Variants in OR10AG1 observed in about 807,000 individuals in gnomAD.
The protein encoded by OR10AG1 is olfactory receptor family 10 subfamily AG member 1, also known as olfactory receptor 10AG1.
For missense variants in OR10AG1, 433 were observed against 376.5 expected, an observed-to-expected ratio of 1.15 and a Z score of -1.24; for synonymous variants, 147 against 128.6, an observed-to-expected ratio of 1.14 and a Z score of -0.97.
rs763246883 is a variant in OR10AG1, at chr11:55,967,730, G to C, written c.794C>G (p.Ala265Gly). Residue 265 changes from alanine to glycine, a missense_variant, in exon 2 of 2, where the codon GCA (alanine) becomes GGA (glycine). Transcript: ENST00000641071. ...GGGCTGTAAATAAGTGATAGTACCT[G>C]CTCCAAAGAATAAGATTACAACTAT... ...HLIVVILFFG[A>G]GTITYLQPKP... The C allele has an allele frequency of 3.7e-6, 6 of 1,613,780 alleles. No individual in the cohort carries two copies. The highest frequency in any genetic ancestry group is 8.5e-7 in the Non-Finnish European group (1 of 1,179,888).
chr11:55,968,603 C>T, intron 1 of OR10AG1, 96 bp from the exon 2 acceptor site: 1 of 550,686 alleles, frequency 1.8e-6, no homozygotes, highest in South Asian at 2.9e-5. Context: ...AATATACTTA[C>T]TTAAGCTCTT....
At position 55,967,372 on chromosome 11, in the gene OR10AG1, T is replaced by C. The variant is rs968711959; in HGVS notation, c.*186A>G. ...AGATCTTGGCACCTTAGTTAAATTGTGCTCCAACTGCACAGTAGCACATAA... is the reference window on the plus strand; with the variant it reads ...AGATCTTGGCACCTTAGTTAAATTGCGCTCCAACTGCACAGTAGCACATAA... On this transcript the variant is annotated 3_prime_UTR_variant, in exon 2 of 2. Coordinates refer to ENST00000641071, the MANE Select transcript of OR10AG1 (RefSeq NM_001005491.2). 6.1e-6 allele frequency: 3 copies of C among 490,592 alleles called. No homozygotes were observed. The highest frequency in any genetic ancestry group is 1.1e-5 in the Non-Finnish European group (3 of 279,000). The allele number at this position is 490,592 out of a possible 1,614,324, so 30.4% of individuals were successfully genotyped here.
rs551875101 is a variant in OR10AG1, at chr11:55,966,674, T to A, written c.*884A>T. On this transcript the variant is annotated 3_prime_UTR_variant, in exon 2 of 2. Coordinates refer to ENST00000641071, the MANE Select transcript of OR10AG1 (RefSeq NM_001005491.2). ...TTTGTGGTTGAATCATTCCAGTCTC[T>A]GCCTTCACCTTTACATGATGTCCTT... 1 of 152,252 alleles carries A rather than the reference T, an allele frequency of 6.6e-6. No homozygotes were observed. Among genetic ancestry groups the A allele is most frequent in the East Asian group, 1.9e-4 (1 of 5,186 alleles). 9.4% of individuals were successfully genotyped at this position (152,252 alleles called of 1,614,324 possible).
In OR10AG1 at chr11:55,968,378, A is replaced by T; in HGVS notation, c.146T>A (p.Ile49Asn). 6.2e-7 allele frequency: 1 copy of T among 1,605,930 alleles called. No homozygotes were observed. The highest frequency in any genetic ancestry group is 8.5e-7 in the Non-Finnish European group (1 of 1,173,268). ...FSIFLLMYLM[I>N]LMCNGIIILL... The stretch of plus-strand genomic sequence containing the variant: ...TATTATGATGCCATTGCACATCAGG[A>T]TCATCAAATACATAAGTAAAAATAT... The change falls in exon 2 of 2, where the codon ATC becomes AAC. Residue 49 changes from isoleucine to asparagine, a missense_variant. Ile to Asn is a moderately radical substitution (Grantham distance 149). Transcript: ENST00000641071.
Position 55,968,284 on chromosome 11 carries a change from C to T in OR10AG1, c.240G>A (p.Leu80=). ...MYFFLSNFSL[L]EICYVTIIIP... is the part of the protein sequence containing the mutation. ...TAATGATTGTTACATAACAGATTTC[C>T]AAAAGGGAAAAATTGCTAAGAAAAA... The change falls in exon 2 of 2, where the codon TTG becomes TTA. Residue 80 remains leucine, a synonymous_variant. Coordinates refer to ENST00000641071, the MANE Select transcript of OR10AG1 (RefSeq NM_001005491.2). The T allele has an allele frequency of 1.2e-6, 2 of 1,613,536 alleles. No individual in the cohort carries two copies. Among genetic ancestry groups the T allele is most frequent in the Non-Finnish European group, 1.7e-6 (2 of 1,179,744 alleles).
In OR10AG1 at chr11:55,967,419, C is replaced by A. The variant is rs750198151; in HGVS notation, c.*139G>T. On this transcript the variant is annotated 3_prime_UTR_variant, in exon 2 of 2. Transcript: ENST00000641071. ...ATAACTATATTCTGTGAATAAAACA[C>A]CCCTTGACATAATGTAAGTTTGTAT... is the stretch of plus-strand genomic sequence containing the variant. 29 of 599,430 alleles carry A rather than the reference C, an allele frequency of 4.8e-5. No individual in the cohort carries two copies. Among genetic ancestry groups the A allele is most frequent in the Middle Eastern group, 4.5e-4 (1 of 2,240 alleles). The allele number at this position is 599,430 out of a possible 1,614,324, so 37.1% of individuals were successfully genotyped here. A position where few individuals can be genotyped will look rare whatever the true frequency, so the allele number is the denominator to read the frequency against.
rs1852701909 is a variant in OR10AG1 at position 55,967,722 on chromosome 11, T to C, written c.802A>G (p.Ile268Val). The change falls in exon 2 of 2, where the codon ATC (isoleucine) becomes GTC (valine). Residue 268 changes from isoleucine (I) to valine (V), a missense_variant. Transcript: ENST00000641071. ...TGTGGTTTGGGCTGTAAATAAGTGA[T>C]AGTACCTGCTCCAAAGAATAAGATT... ...VVILFFGAGT[I>V]TYLQPKPHQF... 6.2e-7 allele frequency: 1 copy of C among 1,613,854 alleles called. No individual in the cohort carries two copies. The highest frequency in any genetic ancestry group is 8.5e-7 in the Non-Finnish European group (1 of 1,179,926).
At position 55,967,203 on chromosome 11, in the gene OR10AG1, A is replaced by C. The variant is rs188206149; in HGVS notation, c.*355T>G. The C allele has an allele frequency of 5.9e-6, 1 of 168,874 alleles. No individual in the cohort carries two copies. The highest frequency in any genetic ancestry group is 6.0e-5 in the Admixed American group (1 of 16,676). 10.5% of individuals were successfully genotyped at this position (168,874 alleles called of 1,614,324 possible). Reference sequence around the variant, plus strand: ...CCCAAGGGTCAGAGAAAGGTGGTAAATACATCTGAAGGAATGGGAAGGTGA... The same window carrying C: ...CCCAAGGGTCAGAGAAAGGTGGTAACTACATCTGAAGGAATGGGAAGGTGA... On this transcript the variant is annotated 3_prime_UTR_variant, in exon 2 of 2. Transcript: ENST00000641071.
Position 55,968,390 on chromosome 11 carries a change from A to T in OR10AG1, c.134T>A (p.Met45Lys). The change falls in exon 2 of 2, where the codon ATG becomes AAG. Residue 45 changes from methionine to lysine, a missense_variant. Coordinates refer to ENST00000641071, the MANE Select transcript of OR10AG1 (RefSeq NM_001005491.2). ...HWMLFSIFLL[M>K]YLMILMCNGI... Reference sequence around the variant, plus strand: ...ATTGCACATCAGGATCATCAAATACATAAGTAAAAATATACTAAAAAGCAT... The same window carrying T: ...ATTGCACATCAGGATCATCAAATACTTAAGTAAAAATATACTAAAAAGCAT... The T allele has an allele frequency of 6.2e-7, 1 of 1,602,702 alleles. No homozygotes were observed. The highest frequency in any genetic ancestry group is 8.5e-7 in the Non-Finnish European group (1 of 1,172,592).
chr11:55,968,484 T>C lies in OR10AG1; in HGVS notation c.40A>G (p.Lys14Glu). The change falls in exon 2 of 2, where the codon AAA (lysine) becomes GAA (glutamate). Residue 14 changes from lysine to glutamate, a missense_variant. By Grantham distance (56) the Lys-to-Glu change is moderately conservative. Transcript: ENST00000641071. ...PKDGEQTKRE[K>E]SNVTTIMEFV... Reference sequence around the variant, plus strand: ...TCCATTATTGTAGTCACATTTGATTTTTCTCTTTTAGTTTGCTCTCCATCT... The same window carrying C: ...TCCATTATTGTAGTCACATTTGATTCTTCTCTTTTAGTTTGCTCTCCATCT... The C allele has an allele frequency of 6.7e-7, 1 of 1,495,146 alleles. No individual in the cohort carries two copies. Among genetic ancestry groups the C allele is most frequent in the Non-Finnish European group, 9.0e-7 (1 of 1,110,914 alleles). The allele number at this position is 1,495,146 out of a possible 1,614,324, so 92.6% of individuals were successfully genotyped here. A position where few individuals can be genotyped will look rare whatever the true frequency, so the allele number is the denominator to read the frequency against.
chr11:55,968,170 A>G lies in OR10AG1; in HGVS notation c.354T>C (p.Leu118=). The G allele has an allele frequency of 6.2e-7, 1 of 1,613,996 alleles. No individual in the cohort carries two copies. Among genetic ancestry groups the G allele is most frequent in the Non-Finnish European group, 8.5e-7 (1 of 1,179,950 alleles). The change falls in exon 2 of 2, where the codon CTT becomes CTC. Residue 118 remains leucine, a synonymous_variant. Transcript: ENST00000641071. The part of the protein sequence containing the change: ...CATQMCFFLM[L]GGTECLLLTV... ...TCAGAAGGAGACACTCCGTGCCTCC[A>G]AGCATAAGAAAAAAACACATTTGTG...
rs746064507 is a variant in OR10AG1, at chr11:55,968,357, A to T, written c.167T>A (p.Ile56Lys). The T allele has an allele frequency of 1.9e-6, 3 of 1,609,908 alleles. No individual in the cohort carries two copies. The highest frequency in any genetic ancestry group is 2.7e-5 in the African/African-American group (2 of 74,874). Reference sequence around the variant, plus strand: ...GGGGTGAATTTTTATTAGTAGTATTATGATGCCATTGCACATCAGGATCAT... The same window carrying T: ...GGGGTGAATTTTTATTAGTAGTATTTTGATGCCATTGCACATCAGGATCAT... ...YLMILMCNGI[I>K]ILLIKIHPAL... Residue 56 changes from isoleucine to lysine, a missense_variant, in exon 2 of 2, where the codon ATA becomes AAA. By Grantham distance (102) the Ile-to-Lys change is moderately radical. Coordinates refer to ENST00000641071, the MANE Select transcript of OR10AG1 (RefSeq NM_001005491.2).
Position 55,968,504 on chromosome 11 carries a change from C to T in OR10AG1, c.20G>A (p.Gly7Glu). MQIPKD[G>E]EQTKREKSNV... ...TGATTTTTCTCTTTTAGTTTGCTCT[C>T]CATCTGCAGATATAGCAAATTCAAG... The change falls in exon 2 of 2, where the codon GGA becomes GAA. Residue 7 changes from glycine to glutamate, a missense_variant. Transcript: ENST00000641071. The T allele has an allele frequency of 3.9e-6, 5 of 1,281,316 alleles. No individual in the cohort carries two copies. Among genetic ancestry groups the T allele is most frequent in the Non-Finnish European group, 5.4e-6 (5 of 920,396 alleles). The allele number at this position is 1,281,316 out of a possible 1,614,324, so 79.4% of individuals were successfully genotyped here.
chr11:55,969,944 T>C lies in OR10AG1; in HGVS notation c.-37A>G. 1 of 398,280 alleles carries C rather than the reference T, an allele frequency of 2.5e-6. No individual in the cohort carries two copies. The highest frequency in any genetic ancestry group is 4.4e-6 in the Non-Finnish European group (1 of 225,910). 24.7% of individuals were successfully genotyped at this position (398,280 alleles called of 1,614,324 possible). On this transcript the variant is annotated 5_prime_UTR_variant, in exon 1 of 2. Transcript: ENST00000641071. ...TACAGACTTTTTAAGCTCTTCCTTT[T>C]CTCGGGAACTGTAATTTTGCAATAC...
At position 55,967,471 on chromosome 11, in the gene OR10AG1, A is replaced by G. The variant is rs1236334337; in HGVS notation, c.*87T>C. 2 of 752,486 alleles carry G rather than the reference A, an allele frequency of 2.7e-6. No homozygotes were observed. Among genetic ancestry groups the G allele is most frequent in the Non-Finnish European group, 2.2e-6 (1 of 455,824 alleles). The allele number at this position is 752,486 out of a possible 1,614,324, so 46.6% of individuals were successfully genotyped here. A position where few individuals can be genotyped will look rare whatever the true frequency, so the allele number is the denominator to read the frequency against. On this transcript the variant is annotated 3_prime_UTR_variant, in exon 2 of 2. Transcript: ENST00000641071. ...TAAATTTCAGTACTCATTATTGAAT[A>G]CCATAGGGACAAAGTTAAAAAAAAA...
Position 55,965,860 on chromosome 11 carries a change from T to G in OR10AG1, c.*1698A>C, listed in dbSNP as rs1398905339. ...CAGTATGAAGAAGCCAATATTCTCT[T>G]CTGATGCATATCCTCCTAGACACTG... is the stretch of plus-strand genomic sequence containing the variant. On this transcript the variant is annotated 3_prime_UTR_variant, in exon 2 of 2. Coordinates refer to ENST00000641071, the MANE Select transcript of OR10AG1 (RefSeq NM_001005491.2). 2 of 152,102 alleles carry G rather than the reference T, an allele frequency of 1.3e-5. No individual in the cohort carries two copies. 9.4% of individuals were successfully genotyped at this position (152,102 alleles called of 1,614,324 possible).
chr11:55,968,502 C>G lies in OR10AG1; in HGVS notation c.22G>C (p.Glu8Gln), dbSNP rs774145724. The change falls in exon 2 of 2, where the codon GAG becomes CAG. Residue 8 changes from glutamate to glutamine, a missense_variant. Coordinates refer to ENST00000641071, the MANE Select transcript of OR10AG1 (RefSeq NM_001005491.2). Reference protein sequence around the residue: MQIPKDGEQTKREKSNVT... With the variant: MQIPKDGQQTKREKSNVT... ...TTTGATTTTTCTCTTTTAGTTTGCTCTCCATCTGCAGATATAGCAAATTCA... is the reference window on the plus strand; with the variant it reads ...TTTGATTTTTCTCTTTTAGTTTGCTGTCCATCTGCAGATATAGCAAATTCA... 7.6e-7 allele frequency: 1 copy of G among 1,318,538 alleles called. No individual in the cohort carries two copies. Among genetic ancestry groups the G allele is most frequent in the Middle Eastern group, 1.9e-4 (1 of 5,172 alleles). 81.7% of individuals were successfully genotyped at this position (1,318,538 alleles called of 1,614,324 possible).
Position 55,967,427 on chromosome 11 carries a change from C to T in OR10AG1, c.*131G>A. 1.6e-6 allele frequency: 1 copy of T among 610,406 alleles called. No individual in the cohort carries two copies. Among genetic ancestry groups the T allele is most frequent in the South Asian group, 2.1e-5 (1 of 47,642 alleles). The allele number at this position is 610,406 out of a possible 1,614,324, so 37.8% of individuals were successfully genotyped here. A position where few individuals can be genotyped will look rare whatever the true frequency, so the allele number is the denominator to read the frequency against. ...ATTCTGTGAATAAAACACCCCTTGA[C>T]ATAATGTAAGTTTGTATTTAAATTT... is the stretch of plus-strand genomic sequence containing the variant. On this transcript the variant is annotated 3_prime_UTR_variant, in exon 2 of 2. Transcript: ENST00000641071.
rs199617456 is a variant in OR10AG1 at position 55,968,390 on chromosome 11, A to G, written c.134T>C (p.Met45Thr). 4.1e-5 allele frequency: 65 copies of G among 1,602,584 alleles called. No homozygotes were observed. Among genetic ancestry groups the G allele is most frequent in the Non-Finnish European group, 4.9e-5 (57 of 1,172,600 alleles). ...ATTGCACATCAGGATCATCAAATAC[A>G]TAAGTAAAAATATACTAAAAAGCAT... ...HWMLFSIFLLMYLMILMCNGI... is the reference protein window; with the variant it reads ...HWMLFSIFLLTYLMILMCNGI... Residue 45 changes from methionine (M) to threonine (T), a missense_variant, in exon 2 of 2, where the codon ATG (methionine) becomes ACG (threonine). Coordinates refer to ENST00000641071, the MANE Select transcript of OR10AG1 (RefSeq NM_001005491.2).
Sources: gnomAD v4.1 joint callset for allele counts on GRCh38, gnomAD v4.1.1 for gene constraint, MANE v1.5 for transcripts, NCBI Gene and HGNC (gene_info 2026-07-23, HGNC 2026-07-21) for gene names.